INPP4B: variants seen among roughly 807,000 people sequenced by gnomAD.
INPP4B encodes the protein inositol polyphosphate-4-phosphatase type II B.
In INPP4B, 55 loss-of-function variants were observed where a neutral mutation model predicts 122.5. That is an observed-to-expected ratio of 0.45 (90% confidence interval 0.36 to 0.56). The LOEUF (loss-of-function observed/expected upper bound fraction) is 0.56, where lower values mean the gene tolerates loss of function less well. Ranked by LOEUF, INPP4B falls within the 20% of genes least tolerant of loss-of-function variation. The pLI is 0.00. For synonymous variants in INPP4B, 403 were observed against 388.7 expected (o/e 1.04, Z -0.43); for missense variants, 1,000 against 1,097.7 (o/e 0.91, Z 1.26).
chr4:142,617,647 C>T (rs1744003350), intron 2 of INPP4B, among the ~76,000 whole-genome samples: 2 of 152,086 alleles, frequency 1.3e-5, no homozygotes, highest in Admixed American at 1.3e-4. Context: ...TGGCATTATC[C>T]TAGGCACTGT....
chr4:142,144,134 A>G (rs1047397723), intron 18 of INPP4B, among the ~76,000 whole-genome samples: 3 of 151,748 alleles, frequency 2.0e-5, no homozygotes, highest in Admixed American at 6.6e-5. Flanking sequence ...TGATTCATCT[A>G]ATCTTACGGC....
At position 142,048,296 on chromosome 4, in the gene INPP4B, A is replaced by G. The variant is rs190022185; in HGVS notation, c.2643-19382T>C. Among the ~76,000 whole-genome samples the G allele has an allele frequency of 2.4e-3, 372 of 152,246 alleles. 2 individuals carry two copies. Among genetic ancestry groups the G allele is most frequent in the African/African-American group, 8.5e-3 (354 of 41,570 alleles). ...ACTGCAGATTATAGTACTTGCACACATGGCCTTACAGAATATGTAGGACAG... is the reference window on the plus strand; with the variant it reads ...ACTGCAGATTATAGTACTTGCACACGTGGCCTTACAGAATATGTAGGACAG... On this transcript the variant is annotated intron_variant, in intron 25 of 25. Coordinates refer to ENST00000262992, the MANE Select transcript of INPP4B (RefSeq NM_001101669.3).
chr4:142,286,286 G>A (rs1038911329), intron 9 of INPP4B, among the ~76,000 whole-genome samples: 5 of 152,036 alleles, frequency 3.3e-5, no homozygotes, highest in African/African-American at 4.8e-5. Flanking sequence ...AGAGATTTCC[G>A]ATTATAAGAA....
intron 9 of INPP4B, among the ~76,000 whole-genome samples, chr4:142,286,391 G>T (rs926234330): frequency 6.6e-6 from 1 of 152,136 alleles, no homozygotes; most frequent in African/African-American, 2.4e-5. Context: ...GCAGATAGAG[G>T]TTCTAATAGG....
intron 7 of INPP4B, among the ~76,000 whole-genome samples, chr4:142,374,914 C>T (rs1426062131): frequency 6.6e-6 from 1 of 151,774 alleles, no homozygotes; most frequent in Admixed American, 6.6e-5. Flanking sequence ...AAAATAAAAG[C>T]AGTGACTTCT....
intron 1 of INPP4B, among the ~76,000 whole-genome samples, chr4:142,775,945 C>T (rs903771805): frequency 6.6e-6 from 1 of 152,080 alleles, no homozygotes; most frequent in Non-Finnish European, 1.5e-5. Flanking sequence ...TCTGCATCAA[C>T]TGATATGATC....
chr4:142,031,458 A>G (rs949570690), intron 25 of INPP4B, among the ~76,000 whole-genome samples: 2 of 152,210 alleles, frequency 1.3e-5, no homozygotes, highest in African/African-American at 2.4e-5. Flanking sequence ...ATTTCATACA[A>G]TATGAATTAG....
chr4:142,756,125 A>G (rs765570523), intron 1 of INPP4B, among the ~76,000 whole-genome samples: 8 of 152,036 alleles, frequency 5.3e-5, no homozygotes, highest in Non-Finnish European at 1.2e-4. Flanking sequence ...CAAGAGAGGA[A>G]GTCTGATGAA....
chr4:142,060,932 TTACTTATAA>T (rs1760317632), intron 25 of INPP4B, among the ~76,000 whole-genome samples: 1 of 152,182 alleles, frequency 6.6e-6, no homozygotes, highest in African/African-American at 2.4e-5. Context: ...TTGCTCGTAA[TTACTTATAA>T]AGAGTATTAA....
intron 5 of INPP4B, among the ~76,000 whole-genome samples, chr4:142,405,639 A>G (rs1803158889): frequency 6.6e-6 from 1 of 152,130 alleles, no homozygotes; most frequent in Non-Finnish European, 1.5e-5. Context: ...ATTAGCCATT[A>G]AGCCCTGGGC....
intron 11 of INPP4B, 148 bp from the exon 12 acceptor site, chr4:142,238,159 T>C (rs78235021): frequency 2.2e-5 from 10 of 448,992 alleles, no homozygotes; most frequent in Non-Finnish European, 3.2e-5. Flanking sequence ...CATTAGTGTA[T>C]CTGAATTTCT....
At chr4:142,180,522 C>T (rs1278578719) in intron 15 of INPP4B, among the ~76,000 whole-genome samples, 1 of 152,026 alleles carries the variant, frequency 6.6e-6, no homozygotes, top group Non-Finnish European at 1.5e-5. Context: ...ACGTTAAATG[C>T]TAGTTTTTCA....
intron 3 of INPP4B, among the ~76,000 whole-genome samples, chr4:142,432,366 G>A (rs1241893684): frequency 6.6e-6 from 1 of 151,874 alleles, no homozygotes; most frequent in Non-Finnish European, 1.5e-5. Flanking sequence ...TTATAATTCA[G>A]CTCTAGTTTA....
At chr4:142,196,693 G>A (rs527836953) in intron 14 of INPP4B, among the ~76,000 whole-genome samples, 16 of 152,120 alleles carry the variant, frequency 1.1e-4, no homozygotes, top group African/African-American at 3.4e-4. Flanking sequence ...TGAGTGGCTG[G>A]TCGGTTACTC....
intron 11 of INPP4B, among the ~76,000 whole-genome samples, chr4:142,243,769 A>C (rs1860678762): frequency 2.0e-5 from 3 of 152,158 alleles, no homozygotes; most frequent in Admixed American, 2.0e-4. Flanking sequence ...GAGAATCTTA[A>C]AATATTCTGA....
intron 2 of INPP4B, among the ~76,000 whole-genome samples, chr4:142,627,768 A>G (rs1746828404): frequency 6.6e-6 from 1 of 152,178 alleles, no homozygotes; most frequent in Non-Finnish European, 1.5e-5. Context: ...CTGGCCTCAT[A>G]AAATGAGTTA....
intron 15 of INPP4B, among the ~76,000 whole-genome samples, chr4:142,188,260 G>C (rs1834030429): frequency 6.6e-6 from 1 of 151,632 alleles, no homozygotes; most frequent in Non-Finnish European, 1.5e-5. Context: ...GGCTGAGGCG[G>C]GTGGATTACG....
At chr4:142,170,953 C>T (rs1040142504) in intron 16 of INPP4B, among the ~76,000 whole-genome samples, 10 of 151,742 alleles carry the variant, frequency 6.6e-5, no homozygotes, top group African/African-American at 2.2e-4. Context: ...TTCTCAGTAG[C>T]AGTAGAGATG....
chr4:142,107,784 A>T (rs1387137416), intron 23 of INPP4B, among the ~76,000 whole-genome samples: 14 of 152,110 alleles, frequency 9.2e-5, no homozygotes, highest in Admixed American at 9.2e-4. Flanking sequence ...AATTATACAA[A>T]ATTTTTATCA....
Sources: gnomAD v4.1 joint callset for allele counts (sites outside exome capture counted in the v4.1 genomes callset) on GRCh38, gnomAD v4.1.1 for gene constraint, MANE v1.5 for transcripts, NCBI Gene and HGNC (gene_info 2026-07-23, HGNC 2026-07-21) for gene names.